The following IDO2 variants were observed in gnomAD, a reference collection of about 807,000 sequenced individuals.
The protein encoded by IDO2 is indoleamine 2,3-dioxygenase 2.
Under a neutral mutation model 45.1 loss-of-function variants are expected in IDO2, and 46 were observed. The ratio of observed to expected loss-of-function variants is 1.02; its 90% confidence interval spans 0.80 to 1.30. IDO2 has a LOEUF of 1.30. IDO2 is among the 50% of genes most tolerant of loss of function. The probability of loss-of-function intolerance (pLI) is 0.00; values close to 1 mark genes in which losing one functional copy is unlikely to be tolerated. For missense variants in IDO2, 544 were observed against 491.8 expected (o/e 1.11, Z -1.00); for synonymous variants, 218 against 184.9 (o/e 1.18, Z -1.45).
intron 9 of IDO2, among the ~76,000 whole-genome samples, chr8:40,009,963 G>C (rs752111721): frequency 6.6e-6 from 1 of 152,124 alleles, no homozygotes; most frequent in Non-Finnish European, 1.5e-5. Context: ...CCCCATGTCA[G>C]TTCTAGGTGC....
chr8:39,940,223 G>C (rs949662611), intron 1 of IDO2, among the ~76,000 whole-genome samples: 10 of 152,162 alleles, frequency 6.6e-5, no homozygotes, highest in African/African-American at 2.4e-4. Context: ...CAGCGTGACC[G>C]AAAGCAGTAC....
At chr8:39,965,013 T>C (rs576643659) in intron 3 of IDO2, among the ~76,000 whole-genome samples, 1 of 152,194 alleles carries the variant, frequency 6.6e-6, no homozygotes, top group Non-Finnish European at 1.5e-5. Context: ...AGAATTCAGT[T>C]TGTGAATTAT....
intron 3 of IDO2, among the ~76,000 whole-genome samples, chr8:39,973,202 G>A (rs1348407710): frequency 1.3e-5 from 2 of 152,116 alleles, no homozygotes; most frequent in Non-Finnish European, 2.9e-5. Flanking sequence ...ATTAGAGTTG[G>A]AGACATCAGT....
chr8:39,962,976 G>C (rs934624096), intron 2 of IDO2, among the ~76,000 whole-genome samples: 1 of 152,230 alleles, frequency 6.6e-6, no homozygotes, highest in African/African-American at 2.4e-5. Context: ...TCTGGGTCAC[G>C]GGTTTCATCT....
intron 1 of IDO2, among the ~76,000 whole-genome samples, chr8:39,942,838 T>C (rs1185631500): frequency 6.6e-6 from 1 of 152,144 alleles, no homozygotes; most frequent in Non-Finnish European, 1.5e-5. Context: ...ATTTCACAAT[T>C]CTATGGTTGT....
At chr8:39,980,837 C>A (rs529859367) in intron 4 of IDO2, among the ~76,000 whole-genome samples, 1 of 152,084 alleles carries the variant, frequency 6.6e-6, no homozygotes, top group Non-Finnish European at 1.5e-5. Flanking sequence ...GCAACCTCGG[C>A]TTCCTGGGTC....
chr8:39,941,350 T>A (rs1807640584), intron 1 of IDO2, among the ~76,000 whole-genome samples: 1 of 151,880 alleles, frequency 6.6e-6, no homozygotes, highest in South Asian at 2.1e-4. Context: ...GGAAAAATAC[T>A]ATGAATAACC....
At chr8:39,981,598 C>T (rs967589604) in intron 4 of IDO2, among the ~76,000 whole-genome samples, 1 of 152,118 alleles carries the variant, frequency 6.6e-6, no homozygotes, top group Non-Finnish European at 1.5e-5. Flanking sequence ...TTTGTTTCTC[C>T]TCCCTTGACT....
chr8:39,961,970 C>A lies in IDO2; in HGVS notation c.100-1638C>A, dbSNP rs577125124. Among the ~76,000 whole-genome samples the A allele has an allele frequency of 6.4e-4, 98 of 152,310 alleles. No individual in the cohort carries two copies. The South Asian group carries it at 0.018, about 29-fold the overall frequency. On this transcript the variant is annotated intron_variant, in intron 2 of 10. Transcript: ENST00000502986. Reference sequence around the variant, plus strand: ...CTTTTTCTGAAGGGCCAAATACTAACTGCTTTAAGCTTGCTTACCATATGG... The same window carrying A: ...CTTTTTCTGAAGGGCCAAATACTAAATGCTTTAAGCTTGCTTACCATATGG...
At chr8:39,977,831 G>A (rs1001975446) in intron 3 of IDO2, among the ~76,000 whole-genome samples, 1 of 152,088 alleles carries the variant, frequency 6.6e-6, no homozygotes, top group South Asian at 2.1e-4. Flanking sequence ...GCACATAGTC[G>A]GTGTATACAT....
In IDO2 at chr8:40,004,440, T is replaced by C. The variant is rs532915570; in HGVS notation, c.668-887T>C. 2.0e-5 allele frequency among the ~76,000 whole-genome samples: 3 copies of C among 152,256 alleles called. No individual in the cohort carries two copies. The East Asian group carries it at 5.8e-4, about 29-fold the overall frequency. ...GATAGATGATAGATAGAGAGATAGA[T>C]AGATAAATACATAGATAGATAGATG... On this transcript the variant is annotated intron_variant, in intron 8 of 10. Coordinates refer to ENST00000502986, the Ensembl canonical transcript of IDO2.
intron 2 of IDO2, among the ~76,000 whole-genome samples, chr8:39,962,989 G>A (rs1808022419): frequency 6.6e-6 from 1 of 152,242 alleles, no homozygotes; most frequent in African/African-American, 2.4e-5. Flanking sequence ...TTTCATCTGG[G>A]ACCAGGAGTC....
chr8:39,984,399 T>C (rs906262930), intron 5 of IDO2, among the ~76,000 whole-genome samples: 1 of 152,202 alleles, frequency 6.6e-6, no homozygotes, highest in Non-Finnish European at 1.5e-5. Flanking sequence ...CACTTGAACC[T>C]GGGAGGCAGA....
At chr8:39,972,448 A>G (rs1047946989) in intron 3 of IDO2, among the ~76,000 whole-genome samples, 2 of 151,828 alleles carry the variant, frequency 1.3e-5, no homozygotes, top group Non-Finnish European at 2.9e-5. Flanking sequence ...TACCTCTACT[A>G]AAAATACAAA....
intron 4 of IDO2, 123 bp from the exon 5 acceptor site, chr8:39,982,529 T>C: frequency 3.1e-6 from 2 of 642,090 alleles, no homozygotes; most frequent in Non-Finnish European, 5.3e-6. Flanking sequence ...ACTCAGGTAA[T>C]TCAAGCTTGG....
exon 3 of IDO2, chr8:39,963,610 A>G: frequency 6.3e-7 from 1 of 1,595,462 alleles, no homozygotes; most frequent in Admixed American, 1.7e-5. Flanking sequence ...AAATGCAGAA[A>G]GAACTTCCAG....
In IDO2 at chr8:40,001,204, A is replaced by G. The variant is rs147162253; in HGVS notation, c.668-4123A>G. Among the ~76,000 whole-genome samples the G allele has an allele frequency of 7.5e-3, 1,020 of 135,316 alleles. 2 individuals carry two copies. The highest frequency in any genetic ancestry group is 0.03 in the Middle Eastern group (8 of 264). 88.8% of individuals were successfully genotyped at this position (135,316 alleles called of 152,430 possible). A position where few individuals can be genotyped will look rare whatever the true frequency, so the allele number is the denominator to read the frequency against. On this transcript the variant is annotated intron_variant, in intron 8 of 10. Transcript: ENST00000502986. ...TCTCTCTCTGTGTATACAGGTACTC[A>G]CCATTCGTGCCTATTTTCTGTAAAA...
At chr8:39,976,904 TG>T (rs1367117647) in intron 3 of IDO2, among the ~76,000 whole-genome samples, 1 of 152,228 alleles carries the variant, frequency 6.6e-6, no homozygotes, top group East Asian at 1.9e-4. Flanking sequence ...CAAATAATTT[TG>T]TGCTCATGTC....
intron 5 of IDO2, among the ~76,000 whole-genome samples, chr8:39,984,651 T>G (rs1165070768): frequency 6.6e-6 from 1 of 152,114 alleles, no homozygotes; most frequent in African/African-American, 2.4e-5. Context: ...CAGAGCTAAG[T>G]GCTATGAAGA....
Sources: gnomAD v4.1 joint callset for allele counts (sites outside exome capture counted in the v4.1 genomes callset) on GRCh38, gnomAD v4.1.1 for gene constraint, MANE v1.5 for transcripts, NCBI Gene and HGNC (gene_info 2026-07-23, HGNC 2026-07-21) for gene names.